The following HELZ variants were observed in gnomAD, a reference collection of about 807,000 sequenced individuals.
The protein encoded by HELZ is helicase with zinc finger.
Under a neutral mutation model 218.2 loss-of-function variants are expected in HELZ, and 23 were observed. The ratio of observed to expected loss-of-function variants is 0.11; its 90% CI spans 0.08 to 0.15. The LOEUF (loss-of-function observed/expected upper bound fraction) is 0.15. Ranked by LOEUF, HELZ falls within the 10% of genes least tolerant of loss-of-function variation. The probability of loss-of-function intolerance (pLI) is 1.00; values close to 1 mark genes in which losing one functional copy is unlikely to be tolerated. For synonymous variants in HELZ, 814 were observed against 829.4 expected (o/e 0.98, Z 0.32); for missense variants, 1,813 against 2,353.7 (o/e 0.77, Z 4.75).
chr17:67,098,453 A>G (rs2036817538), intron 31 of HELZ, among the ~76,000 whole-genome samples: 1 of 152,124 alleles, frequency 6.6e-6, no homozygotes, highest in Non-Finnish European at 1.5e-5. Context: ...GTCCAAACAA[A>G]GCCAGGCGTG....
chr17:67,157,849 A>AT (rs1438637014), intron 17 of HELZ, among the ~76,000 whole-genome samples: 9 of 152,066 alleles, frequency 5.9e-5, no homozygotes, highest in Non-Finnish European at 1.0e-4. Flanking sequence ...ATTACCTTCC[A>AT]TTTTCCCAGA....
At chr17:67,084,722 T>A (rs1013682972) in intron 32 of HELZ, among the ~76,000 whole-genome samples, 2 of 151,834 alleles carry the variant, frequency 1.3e-5, no homozygotes, top group Non-Finnish European at 2.9e-5. Flanking sequence ...AAAAAAATTA[T>A]AATAAACAAA....
chr17:67,106,539 C>T (rs946951247), intron 31 of HELZ, among the ~76,000 whole-genome samples: 8 of 152,150 alleles, frequency 5.3e-5, no homozygotes, highest in African/African-American at 1.9e-4. Context: ...GATCTCCTGA[C>T]CTCGTGATCT....
At chr17:67,145,044 T>C (rs1291906371) in intron 21 of HELZ, among the ~76,000 whole-genome samples, 4 of 152,082 alleles carry the variant, frequency 2.6e-5, no homozygotes, top group African/African-American at 9.7e-5. Flanking sequence ...GTAAATAATA[T>C]GGGTAAAGCA....
At position 67,142,087 on chromosome 17, in the gene HELZ, C is replaced by T. The variant is rs559285054; in HGVS notation, c.2769+3656G>A. Reference sequence around the variant, plus strand: ...TAATTAAAGGAATTAAAATGTGACACTAGAAAATATGCACTTAATACAAAA... The same window carrying T: ...TAATTAAAGGAATTAAAATGTGACATTAGAAAATATGCACTTAATACAAAA... On this transcript the variant is annotated intron_variant, in intron 21 of 32. Coordinates refer to ENST00000358691, the MANE Select transcript of HELZ (RefSeq NM_014877.4). Among the ~76,000 whole-genome samples, 5 of 151,508 alleles carry T rather than the reference C, an allele frequency of 3.3e-5. No individual in the cohort carries two copies. The South Asian group carries it at 6.3e-4, about 19-fold the overall frequency.
At chr17:67,141,975 C>T (rs374343511) in intron 21 of HELZ, among the ~76,000 whole-genome samples, 1 of 151,520 alleles carries the variant, frequency 6.6e-6, no homozygotes, top group Non-Finnish European at 1.5e-5. Flanking sequence ...ACCTGGGAGG[C>T]GAAGGTTGCA....
In HELZ at chr17:67,136,103, C is replaced by T; in HGVS notation, c.3049G>A (p.Glu1017Lys). 6.2e-7 allele frequency: 1 copy of T among 1,613,828 alleles called. No homozygotes were observed. The highest frequency in any genetic ancestry group is 8.5e-7 in the Non-Finnish European group (1 of 1,179,814). Residue 1017 changes from glutamate to lysine, a missense_variant, in exon 23 of 33, where the codon GAA (glutamate) becomes AAA (lysine). This residue lies in a region of HELZ where 156 missense variants were observed against 274.4 expected (regional missense o/e 0.57). Coordinates refer to ENST00000358691, the MANE Select transcript of HELZ (RefSeq NM_014877.4). The part of the protein sequence containing the change: ...TPIKKKEQLL[E>K]DSTEDLDYGF... ...TAATCTAAGTCCTCTGTGGAATCTT[C>T]CAGAAGTTGCTCTTTCTTTTTAATT... is the stretch of plus-strand genomic sequence containing the variant.
At chr17:67,195,665 G>A (rs1296521957) in intron 7 of HELZ, among the ~76,000 whole-genome samples, 195 bp from the exon 8 acceptor site, 2 of 151,750 alleles carry the variant, frequency 1.3e-5, no homozygotes, top group East Asian at 1.9e-4. Context: ...TATTTGTGAG[G>A]CTCTCATTAA....
intron 5 of HELZ, among the ~76,000 whole-genome samples, chr17:67,204,572 CCTTAT>C (rs1315485941): frequency 6.6e-6 from 1 of 151,946 alleles, no homozygotes; most frequent in South Asian, 2.1e-4. Flanking sequence ...TTAACCCTTC[CCTTAT>C]AAGATAATAA....
At chr17:67,098,952 G>A (rs2036837382) in intron 31 of HELZ, among the ~76,000 whole-genome samples, 1 of 152,124 alleles carries the variant, frequency 6.6e-6, no homozygotes, top group African/African-American at 2.4e-5. Flanking sequence ...TCCTCTGCCA[G>A]AGGGTACTTC....
intron 7 of HELZ, chr17:67,200,810 G>A (rs1458188017): frequency 3.6e-6 from 1 of 279,604 alleles, no homozygotes; most frequent in African/African-American, 2.1e-5. Flanking sequence ...TTTTCTAGTA[G>A]CCAGAAGTAG....
In HELZ at chr17:67,229,064, G is replaced by A. The variant is rs937522005; in HGVS notation, c.-18-10242C>T. On this transcript the variant is annotated intron_variant, in intron 3 of 32. Transcript: ENST00000358691. ...AAGTGAAGAGGAAGAAAGCCTATCAGAATGTGCCCCTTTCCCCACTGAGCA... is the reference window on the plus strand; with the variant it reads ...AAGTGAAGAGGAAGAAAGCCTATCAAAATGTGCCCCTTTCCCCACTGAGCA... Among the ~76,000 whole-genome samples the A allele has an allele frequency of 2.0e-5, 3 of 152,210 alleles. No individual in the cohort carries two copies. In the South Asian group the frequency reaches 6.2e-4, roughly 31 times the overall value.
chr17:67,089,694 G>GAGAGAGAGAGAGAGAGACAGAGAGAC, intron 31 of HELZ, among the ~76,000 whole-genome samples: 1 of 100,732 alleles, frequency 9.9e-6, no homozygotes, highest in South Asian at 4.7e-4. Context: ...GAGAGAGAGA[G>GAGAGAGAGAGAGAGAGACAGAGAGAC]AGAGAGACAG....
At chr17:67,098,604 C>T (rs1005459129) in intron 31 of HELZ, among the ~76,000 whole-genome samples, 7 of 150,926 alleles carry the variant, frequency 4.6e-5, no homozygotes, top group African/African-American at 1.7e-4. Flanking sequence ...ATTAGCTGGG[C>T]ATGGTGGTGG....
Position 67,184,820 on chromosome 17 carries a change from C to CAAACAAAT in HELZ, c.1162+3498_1162+3499insATTTGTTT, listed in dbSNP as rs1555619003. 1.2e-4 allele frequency among the ~76,000 whole-genome samples: 18 copies of CAAACAAAT among 150,088 alleles called. No homozygotes were observed. In the East Asian group the frequency reaches 1.4e-3, roughly 11 times the overall value. On this transcript the variant is annotated intron_variant, in intron 12 of 32. Transcript: ENST00000358691. The stretch of plus-strand genomic sequence containing the variant: ...AACAGAGCAAGACTCTGTCTCTAAA[C>CAAACAAAT]AAATAAATAAATAAATAAATAAATA...
At chr17:67,244,993 A>G in intron 1 of HELZ, 155 bp downstream of exon 1, 1 of 985,318 alleles carries the variant, frequency 1.0e-6, no homozygotes, top group Non-Finnish European at 1.2e-6. Flanking sequence ...CGCGCTTCCC[A>G]GGCCCAGCCG....
chr17:67,072,105 G>C lies in HELZ; in HGVS notation c.*6147C>G, dbSNP rs1198759178. On this transcript the variant is annotated 3_prime_UTR_variant, in exon 33 of 33. Coordinates refer to ENST00000358691, the MANE Select transcript of HELZ (RefSeq NM_014877.4). ...TAATCCCAACACTTTGGGAGCCCGA[G>C]GCGGGCAGATCATGAGGTCAAGAGA... The C allele has an allele frequency of 6.6e-6, 1 of 152,630 alleles. No homozygotes were observed. The highest frequency in any genetic ancestry group is 1.5e-5 in the Non-Finnish European group (1 of 68,100). The allele number at this position is 152,630 out of a possible 1,614,324, so 9.5% of individuals were successfully genotyped here. A position where few individuals can be genotyped will look rare whatever the true frequency, so the allele number is the denominator to read the frequency against.
intron 5 of HELZ, among the ~76,000 whole-genome samples, chr17:67,214,609 A>G (rs2143259298): frequency 6.6e-6 from 1 of 152,146 alleles, no homozygotes; most frequent in South Asian, 2.1e-4. Flanking sequence ...AGCAGGGAAA[A>G]AAAAAAAATT....
intron 31 of HELZ, among the ~76,000 whole-genome samples, chr17:67,094,261 G>A (rs1440462340): frequency 6.6e-6 from 1 of 151,814 alleles, no homozygotes; most frequent in Non-Finnish European, 1.5e-5. Context: ...GGCAGAGGTT[G>A]CAGTGAGCTG....
Sources: gnomAD v4.1 joint callset for allele counts (sites outside exome capture counted in the v4.1 genomes callset) on GRCh38, gnomAD v4.1.1 for gene constraint, gnomAD v4.1.1 regional missense constraint, MANE v1.5 for transcripts, NCBI Gene and HGNC (gene_info 2026-07-23, HGNC 2026-07-21) for gene names.